IMMP1L: variants seen among roughly 807,000 people sequenced by gnomAD.
IMMP1L encodes mitochondrial inner membrane protease subunit 1.
IMMP1L carries 24 observed loss-of-function variants against 21.8 expected under a neutral mutation model. The observed-to-expected ratio is 1.10, with a 90% confidence interval of 0.80 to 1.55. IMMP1L has a LOEUF of 1.55. IMMP1L is among the 40% of genes most tolerant of loss of function. The probability of loss-of-function intolerance (pLI) is 0.00; values close to 1 mark genes in which losing one functional copy is unlikely to be tolerated. For synonymous variants in IMMP1L, 46 were observed against 62.8 expected, an observed-to-expected ratio of 0.73 and a Z score of 1.26; for missense variants, 195 against 200.7, an observed-to-expected ratio of 0.97 and a Z score of 0.17.
At chr11:31,490,181 G>C in intron 1 of IMMP1L, among the ~76,000 whole-genome samples, 1 of 152,062 alleles carries the variant, frequency 6.6e-6, no homozygotes, top group East Asian at 1.9e-4. Context: ...TATGTAATGT[G>C]CACTATCCAC....
At chr11:31,452,741 G>C (rs1401977086) in intron 4 of IMMP1L, 1 of 1,018,946 alleles carries the variant, frequency 9.8e-7, no homozygotes, top group Non-Finnish European at 1.2e-6. Flanking sequence ...AAAGCAAACA[G>C]CATCTTTTTT....
chr11:31,435,891 G>T (rs1333549227), intron 4 of IMMP1L, among the ~76,000 whole-genome samples: 1 of 152,064 alleles, frequency 6.6e-6, no homozygotes, highest in Non-Finnish European at 1.5e-5. Flanking sequence ...TTTATTCTTT[G>T]GGAGTACATC....
chr11:31,434,352 A>G (rs1466548064), intron 4 of IMMP1L, among the ~76,000 whole-genome samples: 1 of 152,196 alleles, frequency 6.6e-6, no homozygotes, highest in Non-Finnish European at 1.5e-5. Context: ...CACCTGCAAT[A>G]TGAGACATTT....
chr11:31,477,412 G>T, intron 1 of IMMP1L: 1 of 334,528 alleles, frequency 3.0e-6, no homozygotes, highest in Non-Finnish European at 4.3e-6. Flanking sequence ...AGCTTAGTTT[G>T]TATATGTCTT....
chr11:31,501,975 C>CA (rs568100436), intron 1 of IMMP1L, among the ~76,000 whole-genome samples: 19 of 136,074 alleles, frequency 1.4e-4, no homozygotes, highest in East Asian at 6.3e-4. Context: ...AAGACTGTCT[C>CA]AAAAAAAAAA....
chr11:31,495,536 G>A (rs530645319), intron 1 of IMMP1L, among the ~76,000 whole-genome samples: 1 of 152,174 alleles, frequency 6.6e-6, no homozygotes, highest in Non-Finnish European at 1.5e-5. Context: ...GGCTGGGAAG[G>A]CCTCGGGAAA....
chr11:31,439,803 T>A (rs1018292387), intron 4 of IMMP1L, among the ~76,000 whole-genome samples: 2 of 152,190 alleles, frequency 1.3e-5, no homozygotes, highest in African/African-American at 4.8e-5. Context: ...GTCCTACCAC[T>A]AAGATTTGAT....
chr11:31,489,099 G>A (rs766533327), intron 1 of IMMP1L, among the ~76,000 whole-genome samples: 4 of 151,822 alleles, frequency 2.6e-5, no homozygotes, highest in Non-Finnish European at 4.4e-5. Flanking sequence ...GGGTTTCACC[G>A]TGTTAGCCAG....
intron 1 of IMMP1L, among the ~76,000 whole-genome samples, chr11:31,485,278 A>G (rs1955032730): frequency 6.6e-6 from 1 of 151,830 alleles, no homozygotes; most frequent in South Asian, 2.1e-4. Context: ...TATCCTATCA[A>G]ATATTTAATA....
At chr11:31,498,491 TTCCAGTTACTA>T (rs1162042236) in intron 1 of IMMP1L, among the ~76,000 whole-genome samples, 1 of 152,190 alleles carries the variant, frequency 6.6e-6, no homozygotes, top group East Asian at 1.9e-4. Flanking sequence ...GCTACCTATA[TTCCAGTTACTA>T]CCTCAATTGC....
chr11:31,497,696 G>A lies in IMMP1L; in HGVS notation c.-30+11823C>T, dbSNP rs1271983332. Reference sequence around the variant, plus strand: ...AGTATGGTCTCGATCTCTTGACCTCGTGATCCGCCTGCCAAAGTGTTGGGA... The same window carrying A: ...AGTATGGTCTCGATCTCTTGACCTCATGATCCGCCTGCCAAAGTGTTGGGA... On this transcript the variant is annotated intron_variant, in intron 1 of 5. Coordinates refer to ENST00000532287, the MANE Select transcript of IMMP1L (RefSeq NM_001304274.2). Among the ~76,000 whole-genome samples, 7 of 152,156 alleles carry A rather than the reference G, an allele frequency of 4.6e-5. No homozygotes were observed. In the East Asian group the frequency reaches 7.8e-4, roughly 17 times the overall value.
intron 1 of IMMP1L, among the ~76,000 whole-genome samples, chr11:31,480,109 T>G (rs543641290): frequency 6.6e-6 from 1 of 152,188 alleles, no homozygotes; most frequent in South Asian, 2.1e-4. Flanking sequence ...TCTGTGTTAC[T>G]CCCTCATTGA....
intron 1 of IMMP1L, among the ~76,000 whole-genome samples, chr11:31,472,354 A>G (rs1460986856): frequency 6.6e-6 from 1 of 152,190 alleles, no homozygotes; most frequent in Non-Finnish European, 1.5e-5. Flanking sequence ...CAAATACAAG[A>G]CTTATTAGAA....
chr11:31,477,256 A>G (rs1478827466), intron 1 of IMMP1L: 1 of 152,212 alleles, frequency 6.6e-6, no homozygotes, highest in African/African-American at 2.4e-5. Context: ...CTCTATAGCC[A>G]AAAGAATATA....
intron 3 of IMMP1L, among the ~76,000 whole-genome samples, chr11:31,456,639 G>A (rs916454311): frequency 6.6e-6 from 1 of 151,790 alleles, no homozygotes. Context: ...TAAACTTTCA[G>A]ATAATTCTAC....
intron 1 of IMMP1L, among the ~76,000 whole-genome samples, chr11:31,488,669 A>G (rs1955157909): frequency 6.6e-6 from 1 of 152,122 alleles, no homozygotes; most frequent in Non-Finnish European, 1.5e-5. Context: ...AGAAAAGCAG[A>G]ATACAATACT....
At chr11:31,436,948 C>A in intron 4 of IMMP1L, 1 of 197,536 alleles carries the variant, frequency 5.1e-6, no homozygotes, top group African/African-American at 2.3e-5. Flanking sequence ...CATCCATTTA[C>A]AGTAAAGGGA....
chr11:31,471,042 G>T (rs1954531687), intron 1 of IMMP1L, among the ~76,000 whole-genome samples: 1 of 152,154 alleles, frequency 6.6e-6, no homozygotes. Context: ...AAGTTCTACT[G>T]TTCTATTGCA....
At chr11:31,506,191 T>C (rs1955772178) in intron 1 of IMMP1L, among the ~76,000 whole-genome samples, 1 of 151,546 alleles carries the variant, frequency 6.6e-6, no homozygotes, top group Non-Finnish European at 1.5e-5. Flanking sequence ...ATGTCCTTCA[T>C]AAAGAATTAA....
Sources: allele counts gnomAD v4.1 joint callset (sites outside exome capture counted in the v4.1 genomes callset), GRCh38; gene constraint gnomAD v4.1.1; transcripts MANE v1.5; gene names NCBI Gene and HGNC (gene_info 2026-07-23, HGNC 2026-07-21).